The following SMPD2 variants were observed in gnomAD, a reference collection of about 807,000 sequenced individuals.
SMPD2 encodes the protein N-SMase.
Under a neutral mutation model 41.7 loss-of-function variants are expected in SMPD2, and 35 were observed. That is an observed-to-expected ratio of 0.84 (90% CI 0.64 to 1.11). The LOEUF (loss-of-function observed/expected upper bound fraction) is 1.11. Among genes scored for constraint, SMPD2 ranks in the 50% most tolerant of loss-of-function variants. The pLI is 0.00. For synonymous variants in SMPD2, 201 were observed against 208.2 expected (o/e 0.97, Z 0.30); for missense variants, 520 against 524.8 (o/e 0.99, Z 0.09).
rs1774820622 is a variant in SMPD2, at chr6:109,440,770, C to T, written c.-352C>T. ...TGGGCCGCCGGCGCGCGGGCGGCCG[C>T]GACCGCCGGGGACGAGCTTGGAGGA... is the stretch of plus-strand genomic sequence containing the variant. On this transcript the variant is annotated 5_prime_UTR_variant, in exon 1 of 10. Coordinates refer to ENST00000258052, the MANE Select transcript of SMPD2 (RefSeq NM_003080.3). 1.2e-5 allele frequency: 4 copies of T among 338,136 alleles called. No individual in the cohort carries two copies. The highest frequency in any genetic ancestry group is 2.0e-5 in the Non-Finnish European group (4 of 203,400). The allele number at this position is 338,136 out of a possible 1,614,324, so 20.9% of individuals were successfully genotyped here.
At position 109,442,724 on chromosome 6, in the gene SMPD2, T is replaced by C. The variant is rs750406758; in HGVS notation, c.492-28T>C. On this transcript the variant is annotated intron_variant, in intron 6 of 9. Transcript: ENST00000258052. ...GGGGAAGAGCTGGTGATGGAAGAAC[T>C]CCCGCCTCACCAACCTGGTTCCCCC... 43 of 1,608,464 alleles carry C rather than the reference T, an allele frequency of 2.7e-5. 1 individual carries two copies. Among genetic ancestry groups the C allele is most frequent in the Non-Finnish European group, 3.6e-5 (42 of 1,179,838 alleles).
intron 8 of SMPD2, 49 bp from the exon 9 acceptor site, chr6:109,443,218 G>T: frequency 6.2e-7 from 1 of 1,604,964 alleles, no homozygotes; most frequent in Non-Finnish European, 8.5e-7. Flanking sequence ...TGGTTCTCTG[G>T]GAAGAGGCCC....
chr6:109,443,841 G>A lies in SMPD2; in HGVS notation c.1208G>A (p.Gly403Asp), dbSNP rs750468743. Residue 403 changes from glycine (G) to aspartate (D), a missense_variant, in exon 10 of 10, where the codon GGC becomes GAC. Physicochemically the swap from Gly to Asp is moderately conservative, Grantham distance 94. Transcript: ENST00000258052. ...AGGGCAAGGGAGGCCCAGGATCTGGGCCCAGAGCCTCAGCCAGCCCTACTC... is the reference window on the plus strand; with the variant it reads ...AGGGCAAGGGAGGCCCAGGATCTGGACCCAGAGCCTCAGCCAGCCCTACTC... ...LGRAREAQDL[G>D]PEPQPALLLG... 13 of 1,613,692 alleles carry A rather than the reference G, an allele frequency of 8.1e-6. No individual in the cohort carries two copies. In the East Asian group the frequency reaches 2.9e-4, roughly 36 times the overall value.
Position 109,441,041 on chromosome 6 carries a change from GGCGCCGCCGGCCGCCCCC to G in SMPD2, c.-79_-62del. 6.9e-7 allele frequency: 1 copy of G among 1,450,688 alleles called. No individual in the cohort carries two copies. The highest frequency in any genetic ancestry group is 9.7e-7 in the Non-Finnish European group (1 of 1,036,028). The allele number at this position is 1,450,688 out of a possible 1,614,324, so 89.9% of individuals were successfully genotyped here. A position where few individuals can be genotyped will look rare whatever the true frequency, so the allele number is the denominator to read the frequency against. ...CGAAGAAGGAACGGTCTGGGGAGAA[GGCGCCGCCGGCCGCCCCC>G]GTCCCCACCGCGGCCGTCGCTGGAG... On this transcript the variant is annotated 5_prime_UTR_variant, in exon 1 of 10. Transcript: ENST00000258052.
Position 109,440,913 on chromosome 6 carries a change from C to T in SMPD2, c.-209C>T. The T allele has an allele frequency of 1.7e-6, 1 of 574,762 alleles. No homozygotes were observed. The highest frequency in any genetic ancestry group is 3.0e-6 in the Non-Finnish European group (1 of 335,720). The allele number at this position is 574,762 out of a possible 1,614,324, so 35.6% of individuals were successfully genotyped here. On this transcript the variant is annotated 5_prime_UTR_variant, in exon 1 of 10. Coordinates refer to ENST00000258052, the MANE Select transcript of SMPD2 (RefSeq NM_003080.3). ...GCAGCGGATCGCCTTTCCGGGTTGG[C>T]GGCCCGCCTGATTGGGAACAGCCGG...
chr6:109,441,294 A>T, intron 1 of SMPD2, 63 bp from the exon 2 acceptor site: 1 of 1,585,306 alleles, frequency 6.3e-7, no homozygotes, highest in Non-Finnish European at 8.7e-7. Context: ...CAAAGTCCAC[A>T]TCTGGCCCCA....
In SMPD2 at chr6:109,442,059, C is replaced by G. The variant is rs771019189; in HGVS notation, c.310C>G (p.Pro104Ala). The G allele has an allele frequency of 1.9e-6, 3 of 1,611,994 alleles. No individual in the cohort carries two copies. The highest frequency in any genetic ancestry group is 1.1e-5 in the South Asian group (1 of 91,058). Residue 104 changes from proline to alanine, a missense_variant, in exon 4 of 10, where the codon CCC (proline) becomes GCC (alanine). Physicochemically the swap from Pro to Ala is conservative, Grantham distance 27. Coordinates refer to ENST00000258052, the MANE Select transcript of SMPD2 (RefSeq NM_003080.3). The part of the protein sequence containing the change: ...TQHIYTLNGY[P>A]YMIHHGDWFS... ...GCACATCTACACTCTCAATGGCTAC[C>G]CCTACATGGTAAGGCAGACCTTTGA...
In SMPD2 at chr6:109,442,310, C is replaced by A; in HGVS notation, c.408+11C>A. 1 of 1,611,566 alleles carries A rather than the reference C, an allele frequency of 6.2e-7. No homozygotes were observed. The highest frequency in any genetic ancestry group is 1.3e-5 in the African/African-American group (1 of 75,006). On this transcript the variant is annotated intron_variant, in intron 5 of 9. Coordinates refer to ENST00000258052, the MANE Select transcript of SMPD2 (RefSeq NM_003080.3). The stretch of plus-strand genomic sequence containing the variant: ...GCCTATGTGACCCATGTGAGTGAAG[C>A]TGGCAGTGCCTAGGGCTGGGACATG...
Position 109,443,657 on chromosome 6 carries a change from T to C in SMPD2, c.1024T>C (p.Cys342Arg), listed in dbSNP as rs1775056823. The change falls in exon 10 of 10, where the codon TGT (cysteine) becomes CGT (arginine). Residue 342 changes from cysteine to arginine, a missense_variant. Transcript: ENST00000258052. ...GLGLLLLALL[C>R]VLAAGGGAGE... ...GGGGCTGCTTCTCCTGGCACTGCTG[T>C]GTGTCCTGGCGGCTGGAGGAGGGGC... 5 of 1,613,554 alleles carry C rather than the reference T, an allele frequency of 3.1e-6. No homozygotes were observed. The highest frequency in any genetic ancestry group is 1.7e-5 in the Admixed American group (1 of 60,022).
Position 109,442,192 on chromosome 6 carries a change from A to G in SMPD2, c.319-18A>G, listed in dbSNP as rs778831850. On this transcript the variant is annotated intron_variant, in intron 4 of 9. Coordinates refer to ENST00000258052, the MANE Select transcript of SMPD2 (RefSeq NM_003080.3). Reference sequence around the variant, plus strand: ...GATGGTGGCGGTGCCCTGAGTTTCTATCTCCTCCTGCCTGCAGATCCATCA... The same window carrying G: ...GATGGTGGCGGTGCCCTGAGTTTCTGTCTCCTCCTGCCTGCAGATCCATCA... 3.3e-5 allele frequency: 53 copies of G among 1,612,948 alleles called. No individual in the cohort carries two copies. The highest frequency in any genetic ancestry group is 1.5e-4 in the South Asian group (14 of 91,058).
At chr6:109,442,383 C>A in intron 5 of SMPD2, 84 bp downstream of exon 5, 3 of 1,443,918 alleles carry the variant, frequency 2.1e-6, no homozygotes, top group Non-Finnish European at 1.9e-6. Context: ...GCTCTCATAC[C>A]TGGGGATGAG....
chr6:109,443,226 C>A (rs374164613), intron 8 of SMPD2, 41 bp from the exon 9 acceptor site: 5 of 1,330,872 alleles, frequency 3.8e-6, no homozygotes, highest in Admixed American at 3.5e-5. Context: ...TGGGAAGAGG[C>A]CCTCATATAT....
rs1308562208 is a variant in SMPD2, at chr6:109,442,583, C to T, written c.449C>T (p.Ala150Val). ...EYNRQKDIYL[A>V]HRVAQAWELA... ...AATCGACAGAAGGACATCTACCTAG[C>T]ACATCGTGTGGCCCAAGCTTGGGAA... Residue 150 changes from alanine to valine, a missense_variant, in exon 6 of 10, where the codon GCA becomes GTA. Coordinates refer to ENST00000258052, the MANE Select transcript of SMPD2 (RefSeq NM_003080.3). 4 of 1,613,996 alleles carry T rather than the reference C, an allele frequency of 2.5e-6. No individual in the cohort carries two copies. The highest frequency in any genetic ancestry group is 3.4e-6 in the Non-Finnish European group (4 of 1,180,018).
chr6:109,441,340 G>A lies in SMPD2; in HGVS notation c.51-17G>A. ...TCCCAGCAGTCGCCTCCCCTGCCCC[G>A]CTCTTCCCTTCCTTAGGGGCATTCC... On this transcript the variant is annotated splice_polypyrimidine_tract_variant and intron_variant, in intron 1 of 9. Coordinates refer to ENST00000258052, the MANE Select transcript of SMPD2 (RefSeq NM_003080.3). The A allele has an allele frequency of 6.2e-7, 1 of 1,611,196 alleles. No homozygotes were observed. Among genetic ancestry groups the A allele is most frequent in the Non-Finnish European group, 8.5e-7 (1 of 1,177,542 alleles).
rs777202133 is a variant in SMPD2, at chr6:109,441,186, G to A, written c.50+15G>A. The A allele has an allele frequency of 1.2e-6, 2 of 1,613,984 alleles. No individual in the cohort carries two copies. Among genetic ancestry groups the A allele is most frequent in the Admixed American group, 1.7e-5 (1 of 60,016 alleles). Reference sequence around the variant, plus strand: ...CTCAACTGCTGGTGAGTGCGTCTGCGGAGTGCGGTCTGGGGGCCACCTTCC... The same window carrying A: ...CTCAACTGCTGGTGAGTGCGTCTGCAGAGTGCGGTCTGGGGGCCACCTTCC... On this transcript the variant is annotated intron_variant, in intron 1 of 9. Transcript: ENST00000258052.
intron 6 of SMPD2, 55 bp from the exon 7 acceptor site, chr6:109,442,697 A>T (rs751367045): frequency 6.2e-7 from 1 of 1,614,056 alleles, no homozygotes; most frequent in East Asian, 2.2e-5. Context: ...GGCCCCAGTC[A>T]TGGGGAAGAG....
In SMPD2 at chr6:109,441,050, G is replaced by C; in HGVS notation, c.-72G>C. 1 of 1,520,974 alleles carries C rather than the reference G, an allele frequency of 6.6e-7. No individual in the cohort carries two copies. The highest frequency in any genetic ancestry group is 1.4e-5 in the African/African-American group (1 of 72,730). 94.2% of individuals were successfully genotyped at this position (1,520,974 alleles called of 1,614,324 possible). ...AACGGTCTGGGGAGAAGGCGCCGCCGGCCGCCCCCGTCCCCACCGCGGCCG... is the reference window on the plus strand; with the variant it reads ...AACGGTCTGGGGAGAAGGCGCCGCCCGCCGCCCCCGTCCCCACCGCGGCCG... On this transcript the variant is annotated 5_prime_UTR_variant, in exon 1 of 10. Coordinates refer to ENST00000258052, the MANE Select transcript of SMPD2 (RefSeq NM_003080.3).
Position 109,443,292 on chromosome 6 carries a change from G to T in SMPD2, c.755G>T (p.Cys252Phe), listed in dbSNP as rs775449957. Residue 252 changes from cysteine (C) to phenylalanine (F), a missense_variant, in exon 9 of 10, where the codon TGT becomes TTT. Transcript: ENST00000258052. ...GCAGTTTCTGGGTTTTACATCTCCT[G>T]TAAGAGTTTTGAAACCACTACAGGC... ...YKAVSGFYIS[C>F]KSFETTTGFD... 1.9e-6 allele frequency: 3 copies of T among 1,614,132 alleles called. No homozygotes were observed. Among genetic ancestry groups the T allele is most frequent in the Non-Finnish European group, 2.5e-6 (3 of 1,180,014 alleles).
At position 109,442,059 on chromosome 6, in the gene SMPD2, C is replaced by T. The variant is rs771019189; in HGVS notation, c.310C>T (p.Pro104Ser). ...TQHIYTLNGY[P>S]YMIHHGDWFS... ...GCACATCTACACTCTCAATGGCTAC[C>T]CCTACATGGTAAGGCAGACCTTTGA... The change falls in exon 4 of 10, where the codon CCC (proline) becomes TCC (serine). Residue 104 changes from proline (P) to serine (S), a missense_variant. Transcript: ENST00000258052. The T allele has an allele frequency of 5.6e-6, 9 of 1,611,876 alleles. No individual in the cohort carries two copies. The highest frequency in any genetic ancestry group is 2.7e-5 in the African/African-American group (2 of 74,882).
Sources: allele counts gnomAD v4.1 joint callset, GRCh38; gene constraint gnomAD v4.1.1; transcripts MANE v1.5; gene names NCBI Gene and HGNC (gene_info 2026-07-23, HGNC 2026-07-21).